GRM1: variants seen among roughly 807,000 people sequenced by gnomAD.
The protein encoded by GRM1 is glutamate metabotropic receptor 1.
A neutral mutation model predicts 90.9 loss-of-function variants in GRM1; 33 were observed. That is an observed-to-expected ratio of 0.36 (90% confidence interval 0.28 to 0.49). GRM1 has a LOEUF of 0.49. Among genes scored for constraint, GRM1 ranks in the 20% least tolerant of loss-of-function variants. The probability of loss-of-function intolerance (pLI) is 0.99; values close to 1 mark genes in which losing one functional copy is unlikely to be tolerated. For missense variants in GRM1, 1,190 were observed against 1,534.3 expected (o/e 0.78, Z 3.75); for synonymous variants, 700 against 613.2 (o/e 1.14, Z -2.09).
chr6:146,376,909 G>A (rs1776121059), intron 5 of GRM1, among the ~76,000 whole-genome samples: 2 of 152,052 alleles, frequency 1.3e-5, no homozygotes, highest in Admixed American at 6.6e-5. Flanking sequence ...TTCTGGTGCT[G>A]TTCTCATGAT....
At chr6:146,166,236 C>T (rs1381335530) in intron 2 of GRM1, among the ~76,000 whole-genome samples, 1 of 152,192 alleles carries the variant, frequency 6.6e-6, no homozygotes, top group East Asian at 1.9e-4. Context: ...ACCATCAATA[C>T]AATTTCTTGG....
chr6:146,178,435 C>A (rs1562511664), intron 2 of GRM1, among the ~76,000 whole-genome samples: 1 of 152,236 alleles, frequency 6.6e-6, no homozygotes, highest in South Asian at 2.1e-4. Context: ...TTTCTAAACA[C>A]AATGAAATAT....
At chr6:146,040,504 CT>C (rs1224670809) in intron 1 of GRM1, among the ~76,000 whole-genome samples, 1 of 151,910 alleles carries the variant, frequency 6.6e-6, no homozygotes, top group Non-Finnish European at 1.5e-5. Context: ...GTATTTATCT[CT>C]TTTTTATGTT....
At chr6:146,067,824 G>T (rs754678478) in intron 1 of GRM1, among the ~76,000 whole-genome samples, 5 of 152,114 alleles carry the variant, frequency 3.3e-5, no homozygotes, top group Non-Finnish European at 5.9e-5. Context: ...TCAAAATGTT[G>T]TGAAAATAGT....
intron 1 of GRM1, among the ~76,000 whole-genome samples, chr6:146,129,085 A>C (rs2128879686): frequency 6.6e-6 from 1 of 152,336 alleles, no homozygotes; most frequent in South Asian, 2.1e-4. Context: ...TTAACTTTAC[A>C]GCCCTAAAGA....
At chr6:146,256,294 T>C (rs2114777766) in intron 2 of GRM1, among the ~76,000 whole-genome samples, 1 of 152,266 alleles carries the variant, frequency 6.6e-6, no homozygotes, top group East Asian at 1.9e-4. Context: ...TGGTTTTCAG[T>C]GTCAGTTATC....
intron 4 of GRM1, 151 bp from the exon 5 acceptor site, chr6:146,357,375 G>A: frequency 1.5e-6 from 1 of 672,768 alleles, no homozygotes; most frequent in Non-Finnish European, 2.7e-6. Flanking sequence ...ATAATCAGAG[G>A]AAACATAAGA....
At chr6:146,097,803 C>T (rs1197755532) in intron 1 of GRM1, among the ~76,000 whole-genome samples, 1 of 152,222 alleles carries the variant, frequency 6.6e-6, no homozygotes, top group Non-Finnish European at 1.5e-5. Flanking sequence ...CTGTCAGTTT[C>T]ATTCAATGAC....
At chr6:146,150,602 A>G (rs999662630) in intron 1 of GRM1, among the ~76,000 whole-genome samples, 5 of 152,158 alleles carry the variant, frequency 3.3e-5, no homozygotes, top group Admixed American at 6.5e-5. Context: ...AAAATATACA[A>G]TAATTTTTGT....
chr6:146,034,898 CTT>C (rs1251042735), intron 1 of GRM1, among the ~76,000 whole-genome samples: 1 of 151,894 alleles, frequency 6.6e-6, no homozygotes, highest in African/African-American at 2.4e-5. Context: ...ATTTTGAAGA[CTT>C]AATTTCGGTT....
At chr6:146,397,441 T>C (rs1192204064) in intron 6 of GRM1, among the ~76,000 whole-genome samples, 2 of 116,978 alleles carry the variant, frequency 1.7e-5, no homozygotes, top group Non-Finnish European at 3.2e-5. Context: ...GCCACTGCAC[T>C]CCAGCCTGGG....
At position 146,399,585 on chromosome 6, in the gene GRM1, C is replaced by T. The variant is rs1372232374; in HGVS notation, c.2546C>T (p.Ala849Val). The change falls in exon 7 of 8, where the codon GCC becomes GTC. Residue 849 changes from alanine to valine, a missense_variant. Physicochemically the swap from Ala to Val is moderately conservative, Grantham distance 64 (BLOSUM62 0). Around this residue, in one of 10 missense-constraint regions of GRM1, gnomAD observed 73 missense variants for 150.6 expected, o/e 0.48. Coordinates refer to ENST00000282753, the MANE Select transcript of GRM1 (RefSeq NM_001278064.2). This position sits in a 1 kb window ranked among gnomAD's most constrained non-coding sequence, Gnocchi z 5.4. ...IAKPERNVRS[A>V]FTTSDVVRMH... ...AAGCCTGAGAGGAATGTCCGCAGTG[C>T]CTTCACCACCTCTGATGTTGTCCGC... 5 of 1,613,828 alleles carry T rather than the reference C, an allele frequency of 3.1e-6. No homozygotes were observed. The highest frequency in any genetic ancestry group is 4.2e-6 in the Non-Finnish European group (5 of 1,179,822).
intron 1 of GRM1, among the ~76,000 whole-genome samples, chr6:146,124,721 T>C (rs1776131337): frequency 6.6e-6 from 1 of 152,158 alleles, no homozygotes; most frequent in African/African-American, 2.4e-5. Flanking sequence ...AGTTAAATGA[T>C]AATATTCATC....
At chr6:146,293,508 T>C (rs956651002) in intron 2 of GRM1, among the ~76,000 whole-genome samples, 2 of 152,024 alleles carry the variant, frequency 1.3e-5, no homozygotes, top group African/African-American at 4.8e-5. Flanking sequence ...TTCCTTAATT[T>C]GACTTTATAT....
At chr6:146,078,688 A>G (rs1776267863) in intron 1 of GRM1, among the ~76,000 whole-genome samples, 1 of 152,226 alleles carries the variant, frequency 6.6e-6, no homozygotes, top group African/African-American at 2.4e-5. Flanking sequence ...AGTATTTAAA[A>G]TGAATAATTT....
chr6:146,404,173 G>C (rs999231962), intron 7 of GRM1, among the ~76,000 whole-genome samples: 1 of 151,924 alleles, frequency 6.6e-6, no homozygotes, highest in Non-Finnish European at 1.5e-5. Flanking sequence ...AACATCAGAA[G>C]ATTTATTGAA....
chr6:146,094,349 AG>A (rs1388339630), intron 1 of GRM1, among the ~76,000 whole-genome samples: 1 of 152,070 alleles, frequency 6.6e-6, no homozygotes, highest in Non-Finnish European at 1.5e-5. Flanking sequence ...AGTCCTGGTC[AG>A]GGGCATAGCT....
Position 146,355,811 on chromosome 6 carries a change from G to T in GRM1, c.1434-1715G>T, listed in dbSNP as rs142615664. Among the ~76,000 whole-genome samples the T allele has an allele frequency of 2.7e-3, 411 of 152,288 alleles. 2 individuals carry two copies. Among genetic ancestry groups the T allele is most frequent in the African/African-American group, 9.3e-3 (386 of 41,554 alleles). Reference sequence around the variant, plus strand: ...GTTTAGAGAGAAAGAATTGCAGGAAGGATTAAGCAGGGGCGTGTGAGAGGG... The same window carrying T: ...GTTTAGAGAGAAAGAATTGCAGGAATGATTAAGCAGGGGCGTGTGAGAGGG... On this transcript the variant is annotated intron_variant, in intron 4 of 7. Transcript: ENST00000282753.
chr6:146,272,020 A>G (rs1197499660), intron 2 of GRM1, among the ~76,000 whole-genome samples: 1 of 152,158 alleles, frequency 6.6e-6, no homozygotes, highest in Non-Finnish European at 1.5e-5. Context: ...ACGTTCCTGC[A>G]TTTCATCAGT....
Sources: allele counts gnomAD v4.1 joint callset (sites outside exome capture counted in the v4.1 genomes callset), GRCh38; gene constraint gnomAD v4.1.1; regional missense constraint gnomAD v4.1.1; non-coding constraint Gnocchi (gnomAD v3.1); transcripts MANE v1.5; gene names NCBI Gene and HGNC (gene_info 2026-07-23, HGNC 2026-07-21).